SOX13: variants seen among roughly 807,000 people sequenced by gnomAD.
SOX13 encodes the protein transcription factor SOX-13.
In SOX13, 28 loss-of-function variants were observed where a neutral mutation model predicts 71.8. The observed-to-expected ratio is 0.39, with a 90% CI of 0.29 to 0.53. SOX13 has a LOEUF of 0.53. Among genes scored for constraint, SOX13 ranks in the 20% least tolerant of loss-of-function variants. SOX13 has a pLI of 0.70. For missense variants in SOX13, 627 were observed against 810.3 expected (o/e 0.77, Z 2.75); for synonymous variants, 309 against 317.8 (o/e 0.97, Z 0.29).
chr1:204,111,258 TAG>T (rs1200540241), intron 1 of SOX13, among the ~76,000 whole-genome samples: 3 of 152,218 alleles, frequency 2.0e-5, no homozygotes, highest in African/African-American at 7.2e-5. Flanking sequence ...TCCTATAGTG[TAG>T]AGACTCTTAC....
chr1:204,105,077 G>A (rs1238250701), intron 1 of SOX13, among the ~76,000 whole-genome samples: 2 of 152,126 alleles, frequency 1.3e-5, no homozygotes, highest in East Asian at 1.9e-4. Flanking sequence ...CACCTGCAGC[G>A]GGCTTTGTCA....
At chr1:204,085,196 AATAAT>A (rs1018890004) in intron 1 of SOX13, among the ~76,000 whole-genome samples, 4 of 152,162 alleles carry the variant, frequency 2.6e-5, no homozygotes, top group African/African-American at 9.7e-5. Flanking sequence ...GGACATGGAG[AATAAT>A]ATAGTACCAG....
chr1:204,083,704 C>A (rs1280371687), intron 1 of SOX13, among the ~76,000 whole-genome samples: 2 of 152,190 alleles, frequency 1.3e-5, no homozygotes, highest in African/African-American at 4.8e-5. Context: ...CGGGGGCCTT[C>A]TCTGGTCCTC....
rs553469698 is a variant in SOX13 at position 204,126,224 on chromosome 1, G to A, written c.*90G>A. 2.1e-5 allele frequency: 29 copies of A among 1,406,238 alleles called. No individual in the cohort carries two copies. In the East Asian group the frequency reaches 6.7e-4, roughly 32 times the overall value. 87.1% of individuals were successfully genotyped at this position (1,406,238 alleles called of 1,614,324 possible). A position where few individuals can be genotyped will look rare whatever the true frequency, so the allele number is the denominator to read the frequency against. The stretch of plus-strand genomic sequence containing the variant: ...AGCCAGCCAACCTAAGACTATGTTG[G>A]TACTTGGACTTGTTCGTGCCCCAGA... On this transcript the variant is annotated 3_prime_UTR_variant, in exon 14 of 14. Coordinates refer to ENST00000367204, the MANE Select transcript of SOX13 (RefSeq NM_005686.3).
chr1:204,121,823 T>C (rs537939532), intron 7 of SOX13, 77 bp from the exon 8 acceptor site: 5 of 1,008,512 alleles, frequency 5.0e-6, no homozygotes, highest in Non-Finnish European at 7.7e-6. Context: ...CATCTTGTGG[T>C]GCTGGGACCT....
At chr1:204,101,669 T>C (rs111277497) in intron 1 of SOX13, among the ~76,000 whole-genome samples, 2 of 152,238 alleles carry the variant, frequency 1.3e-5, no homozygotes, top group South Asian at 2.1e-4. Flanking sequence ...TTCTATATAA[T>C]AACTTATCAG....
intron 1 of SOX13, among the ~76,000 whole-genome samples, chr1:204,074,771 C>A (rs1490978402): frequency 6.6e-6 from 1 of 152,204 alleles, no homozygotes; most frequent in African/African-American, 2.4e-5. Context: ...TCCGGGAGGA[C>A]CCCGAGCGCT....
intron 1 of SOX13, among the ~76,000 whole-genome samples, chr1:204,089,745 G>A (rs1351904981): frequency 6.6e-6 from 1 of 152,170 alleles, no homozygotes; most frequent in Non-Finnish European, 1.5e-5. Context: ...AGCACCTGTG[G>A]CACCCTCTCC....
intron 1 of SOX13, among the ~76,000 whole-genome samples, chr1:204,096,882 T>C (rs1014745074): frequency 1.3e-5 from 2 of 152,214 alleles, no homozygotes; most frequent in African/African-American, 4.8e-5. Flanking sequence ...TCTTTCTCCT[T>C]CTTTTTTTGA....
chr1:204,087,112 CG>C (rs1416998200), intron 1 of SOX13, among the ~76,000 whole-genome samples: 4 of 151,946 alleles, frequency 2.6e-5, no homozygotes, highest in African/African-American at 9.7e-5. Context: ...TTAGTAGAGA[CG>C]GGGTTTCACC....
At chr1:204,080,379 G>T (rs1159817216) in intron 1 of SOX13, among the ~76,000 whole-genome samples, 2 of 152,184 alleles carry the variant, frequency 1.3e-5, no homozygotes, top group African/African-American at 4.8e-5. Context: ...CAGTGTTTTG[G>T]CTTGAGAGGA....
rs1656849666 is a variant in SOX13 at position 204,123,278 on chromosome 1, G to T, written c.1231+70G>T. The T allele has an allele frequency of 7.9e-7, 1 of 1,264,354 alleles. No homozygotes were observed. Among genetic ancestry groups the T allele is most frequent in the African/African-American group, 1.5e-5 (1 of 68,460 alleles). The allele number at this position is 1,264,354 out of a possible 1,614,324, so 78.3% of individuals were successfully genotyped here. On this transcript the variant is annotated intron_variant, in intron 11 of 13. Coordinates refer to ENST00000367204, the MANE Select transcript of SOX13 (RefSeq NM_005686.3). The surrounding 1 kb of genome is among the most constrained non-coding windows in gnomAD (Gnocchi z 5.0). ...TGTATTCCACCAGGGCCAGGGCTGT[G>T]TCTGCCTCTGATCTCTTCCCTCCCT...
intron 1 of SOX13, among the ~76,000 whole-genome samples, chr1:204,097,890 A>T (rs982194421): frequency 6.6e-6 from 1 of 152,006 alleles, no homozygotes; most frequent in Admixed American, 6.6e-5. Context: ...TTTTTGAGAT[A>T]GGGTGTTGCT....
chr1:204,107,761 G>A (rs1267021242), intron 1 of SOX13, among the ~76,000 whole-genome samples: 2 of 152,194 alleles, frequency 1.3e-5, no homozygotes, highest in African/African-American at 4.8e-5. Flanking sequence ...CTGGGCTGTT[G>A]CCTTTTCATG....
Position 204,124,747 on chromosome 1 carries a change from G to A in SOX13, c.1482G>A (p.Lys494=), listed in dbSNP as rs1656884108. Residue 494 remains lysine, a synonymous_variant, in exon 13 of 14, where the codon AAG becomes AAA. Transcript: ENST00000367204. ...HLEKYPDYKY[K]PRPKRTCIVE... is the part of the protein sequence containing the mutation. Reference sequence around the variant, plus strand: ...AGAAGTATCCTGACTACAAGTACAAGCCGCGGCCCAAGCGCACCTGCATCG... The same window carrying A: ...AGAAGTATCCTGACTACAAGTACAAACCGCGGCCCAAGCGCACCTGCATCG... The A allele has an allele frequency of 6.2e-7, 1 of 1,610,942 alleles. No homozygotes were observed. Among genetic ancestry groups the A allele is most frequent in the Non-Finnish European group, 8.5e-7 (1 of 1,178,776 alleles).
intron 1 of SOX13, among the ~76,000 whole-genome samples, chr1:204,098,338 G>A (rs190863111): frequency 6.6e-6 from 1 of 152,190 alleles, no homozygotes; most frequent in Non-Finnish European, 1.5e-5. Flanking sequence ...TTAGCCGGGC[G>A]TGGAGGCGCA....
chr1:204,097,647 C>T (rs566494140), intron 1 of SOX13, among the ~76,000 whole-genome samples: 144 of 148,254 alleles, frequency 9.7e-4, no homozygotes, highest in African/African-American at 3.2e-3. Context: ...GCCGAGATTG[C>T]GCCATTGCAT....
intron 1 of SOX13, among the ~76,000 whole-genome samples, chr1:204,084,653 A>C (rs545900387): frequency 6.8e-4 from 103 of 152,218 alleles, no homozygotes; most frequent in African/African-American, 2.4e-3. Context: ...CTCTGTAGAC[A>C]CAAAGGGCCT....
intron 1 of SOX13, among the ~76,000 whole-genome samples, chr1:204,079,394 T>C (rs1363453197): frequency 7.3e-6 from 1 of 136,710 alleles, no homozygotes; most frequent in East Asian, 2.3e-4. Context: ...CGCCCAGGCC[T>C]GAGTGCAGTG....
Sources: gnomAD v4.1 joint callset for allele counts (sites outside exome capture counted in the v4.1 genomes callset) on GRCh38, gnomAD v4.1.1 for gene constraint, Gnocchi (gnomAD v3.1) non-coding constraint, MANE v1.5 for transcripts, NCBI Gene and HGNC (gene_info 2026-07-23, HGNC 2026-07-21) for gene names.